The following KLK6 variants were observed in gnomAD, a reference collection of about 807,000 sequenced individuals.
KLK6 encodes the protein kallikrein related peptidase 6, also known as kallikrein-6.
In KLK6, 16 loss-of-function variants were observed where a neutral mutation model predicts 21.7. That is an observed-to-expected ratio of 0.74 (90% CI 0.50 to 1.12). KLK6 has a LOEUF of 1.12. Ranked by LOEUF, KLK6 falls within the 50% of genes most tolerant of loss-of-function variation. KLK6 has a pLI of 0.00. For missense variants in KLK6, 276 were observed against 304.6 expected (o/e 0.91, Z 0.70); for synonymous variants, 116 against 120.1 (o/e 0.97, Z 0.22).
intron 6 of KLK6, 22 bp from the exon 7 acceptor site, chr19:50,959,338 TCAGATA>T: frequency 2.5e-6 from 4 of 1,596,256 alleles, no homozygotes; most frequent in Non-Finnish European, 3.4e-6. Flanking sequence ...AGGGAGAAAG[TCAGATA>T]CAGATAGAAA....
chr19:50,961,958 A>G (rs2090849245), intron 5 of KLK6, 78 bp from the exon 6 acceptor site: 27 of 1,484,022 alleles, frequency 1.8e-5, no homozygotes, highest in East Asian at 2.4e-5. Context: ...CCCAACCCCT[A>G]TAAGTCCTCC....
intron 4 of KLK6, among the ~76,000 whole-genome samples, 195 bp downstream of exon 4, chr19:50,966,974 A>C (rs1372725133): frequency 6.6e-6 from 1 of 151,318 alleles, no homozygotes; most frequent in Non-Finnish European, 1.5e-5. Context: ...TCTTTTTTTT[A>C]TTTTCTTTTC....
intron 2 of KLK6, 132 bp from the exon 3 acceptor site, chr19:50,968,244 A>T (rs2090958606): frequency 1.3e-6 from 1 of 788,538 alleles, no homozygotes; most frequent in Admixed American, 1.9e-5. Flanking sequence ...TGTCCTTCCC[A>T]TCTAGCCTCC....
intron 1 of KLK6, among the ~76,000 whole-genome samples, chr19:50,969,150 G>A (rs1445363768): frequency 1.3e-5 from 2 of 150,174 alleles, no homozygotes; most frequent in Non-Finnish European, 3.0e-5. Context: ...CTGGACTCCT[G>A]AGTCTGAGGG....
chr19:50,965,219 C>T (rs1467074516), intron 4 of KLK6, among the ~76,000 whole-genome samples: 1 of 151,936 alleles, frequency 6.6e-6, no homozygotes, highest in Non-Finnish European at 1.5e-5. Context: ...CCACCCGCCT[C>T]GGCCTCCCAA....
At chr19:50,967,933 C>T (rs866900428) in intron 3 of KLK6, 132 bp downstream of exon 3, 3 of 762,026 alleles carry the variant, frequency 3.9e-6, no homozygotes, top group Middle Eastern at 4.6e-4. Context: ...GCCTAATCCC[C>T]AACGTCTTCC....
rs2090942384 is a variant in KLK6 at position 50,967,339 on chromosome 19, G to T, written c.41-14C>A. On this transcript the variant is annotated splice_polypyrimidine_tract_variant and intron_variant, in intron 3 of 6. Coordinates refer to ENST00000310157, the MANE Select transcript of KLK6 (RefSeq NM_002774.4). ...CCTCTGCCCAGGCTGAGGGAGAGAA[G>T]ATCTGAGTCAGAGAGGAGTTCTGGA... 1 of 1,585,292 alleles carries T rather than the reference G, an allele frequency of 6.3e-7. No homozygotes were observed. Among genetic ancestry groups the T allele is most frequent in the African/African-American group, 1.3e-5 (1 of 74,106 alleles).
In KLK6 at chr19:50,967,156, A is replaced by G; in HGVS notation, c.197+13T>C. 6.2e-7 allele frequency: 1 copy of G among 1,613,888 alleles called. No individual in the cohort carries two copies. Among genetic ancestry groups the G allele is most frequent in the Non-Finnish European group, 8.5e-7 (1 of 1,179,914 alleles). Reference sequence around the variant, plus strand: ...TCAGTCGCATCTGCTGTTCATTTACAGTGTAGACTCACGGTTTTTTGCAGT... The same window carrying G: ...TCAGTCGCATCTGCTGTTCATTTACGGTGTAGACTCACGGTTTTTTGCAGT... On this transcript the variant is annotated intron_variant, in intron 4 of 6. Coordinates refer to ENST00000310157, the MANE Select transcript of KLK6 (RefSeq NM_002774.4).
At position 50,963,489 on chromosome 19, in the gene KLK6, C is replaced by T. The variant is rs779679479; in HGVS notation, c.258G>A (p.Gln86=). The T allele has an allele frequency of 1.2e-6, 2 of 1,614,202 alleles. No homozygotes were observed. The highest frequency in any genetic ancestry group is 1.7e-6 in the Non-Finnish European group (2 of 1,180,036). ...NLRQRESSQE[Q]SSVVRAVIHP... is the part of the protein sequence containing the mutation. Reference sequence around the variant, plus strand: ...GGATCACAGCCCGGACAACAGAACTCTGCTCCTGGGAACTCTCCCTTTGCC... The same window carrying T: ...GGATCACAGCCCGGACAACAGAACTTTGCTCCTGGGAACTCTCCCTTTGCC... The change falls in exon 5 of 7, where the codon CAG becomes CAA. Residue 86 remains glutamine, a synonymous_variant. Coordinates refer to ENST00000310157, the MANE Select transcript of KLK6 (RefSeq NM_002774.4).
rs563992557 is a variant in KLK6, at chr19:50,966,489, C to T, written c.197+680G>A. ...GCCCAGACCACGTTCCACGTGGTAGCCAGGGTGCTTGTAAAAATGTAAATC... is the reference window on the plus strand; with the variant it reads ...GCCCAGACCACGTTCCACGTGGTAGTCAGGGTGCTTGTAAAAATGTAAATC... On this transcript the variant is annotated intron_variant, in intron 4 of 6. Coordinates refer to ENST00000310157, the MANE Select transcript of KLK6 (RefSeq NM_002774.4). 3.3e-5 allele frequency among the ~76,000 whole-genome samples: 5 copies of T among 152,296 alleles called. No homozygotes were observed. The East Asian group carries it at 9.7e-4, about 29-fold the overall frequency.
chr19:50,966,857 A>G (rs1488340048), intron 4 of KLK6, among the ~76,000 whole-genome samples: 1 of 152,200 alleles, frequency 6.6e-6, no homozygotes, highest in African/African-American at 2.4e-5. Context: ...CTGTGCTCAG[A>G]ATTAAATCCA....
intron 4 of KLK6, among the ~76,000 whole-genome samples, chr19:50,964,760 C>CA (rs2090898975): frequency 6.6e-6 from 1 of 152,224 alleles, no homozygotes; most frequent in African/African-American, 2.4e-5. Flanking sequence ...CATGGCTCCC[C>CA]ATTGTCCTAA....
intron 4 of KLK6, 78 bp from the exon 5 acceptor site, chr19:50,963,627 G>A: frequency 1.3e-6 from 2 of 1,547,636 alleles, no homozygotes; most frequent in Non-Finnish European, 1.8e-6. Flanking sequence ...GGGAAGTCAT[G>A]AATCGCTGGC....
chr19:50,961,765 C>T lies in KLK6; in HGVS notation c.561G>A (p.Lys187=), dbSNP rs768593404. ...TQNMLCAGDE[K]YGKDSCQGDS... ...TCACCTGGCAGGAATCCTTCCCGTA[C>T]TTCTCATCCCCAGCACACAACATGT... Residue 187 remains lysine, a synonymous_variant, in exon 6 of 7, where the codon AAG becomes AAA. Transcript: ENST00000310157. 1.9e-6 allele frequency: 3 copies of T among 1,613,918 alleles called. No individual in the cohort carries two copies. Among genetic ancestry groups the T allele is most frequent in the Non-Finnish European group, 2.5e-6 (3 of 1,179,870 alleles).
intron 4 of KLK6, among the ~76,000 whole-genome samples, chr19:50,965,834 CA>C (rs1418531066): frequency 6.6e-6 from 1 of 152,150 alleles, no homozygotes; most frequent in Admixed American, 6.5e-5. Context: ...AAAATGGTGC[CA>C]AGAGTCCCTT....
At chr19:50,964,838 A>G (rs1423542217) in intron 4 of KLK6, among the ~76,000 whole-genome samples, 1 of 152,058 alleles carries the variant, frequency 6.6e-6, no homozygotes, top group South Asian at 2.1e-4. Flanking sequence ...TCACTTTCCA[A>G]CCTTATCTCC....
chr19:50,960,099 GGAGGGGGAGGAGGATGGA>G (rs1207011714), intron 6 of KLK6, among the ~76,000 whole-genome samples: 2 of 83,286 alleles, frequency 2.4e-5, no homozygotes, highest in Non-Finnish European at 5.1e-5. Flanking sequence ...AGGAGGATGG[GGAGGGGGAGGAGGATGGA>G]GAGGGGGAGG....
chr19:50,964,852 C>T (rs890020774), intron 4 of KLK6, among the ~76,000 whole-genome samples: 4 of 152,224 alleles, frequency 2.6e-5, no homozygotes, highest in Non-Finnish European at 5.9e-5. Flanking sequence ...TATCTCCCAG[C>T]ACCTTCTGCC....
At chr19:50,962,165 CCCT>C (rs1226141444) in intron 5 of KLK6, 3 of 330,884 alleles carry the variant, frequency 9.1e-6, no homozygotes, top group Non-Finnish European at 1.7e-5. Context: ...TCTCTTAGGT[CCCT>C]CCTCCACTTT....
Sources: gnomAD v4.1 joint callset for allele counts (sites outside exome capture counted in the v4.1 genomes callset) on GRCh38, gnomAD v4.1.1 for gene constraint, MANE v1.5 for transcripts, NCBI Gene and HGNC (gene_info 2026-07-23, HGNC 2026-07-21) for gene names.